Variants in RELN observed in about 807,000 individuals in gnomAD.
The protein encoded by RELN is reelin.
Under a neutral mutation model 427.6 loss-of-function variants are expected in RELN, and 108 were observed. That is an observed-to-expected ratio of 0.25 (90% CI 0.22 to 0.30). The LOEUF (loss-of-function observed/expected upper bound fraction) is 0.30. Among genes scored for constraint, RELN ranks in the 10% least tolerant of loss-of-function variants. The pLI is 1.00. For missense variants in RELN, 3,715 were observed against 4,302.8 expected, an observed-to-expected ratio of 0.86 and a Z score of 3.82; for synonymous variants, 1,524 against 1,513.4, an observed-to-expected ratio of 1.01 and a Z score of -0.16.
intron 22 of RELN, among the ~76,000 whole-genome samples, chr7:103,608,290 A>T (rs1831865994): frequency 6.6e-6 from 1 of 152,236 alleles, no homozygotes; most frequent in African/African-American, 2.4e-5. Context: ...TCCAAAAACA[A>T]TGACAATAAC....
At chr7:103,683,174 CAG>C (rs1232080494) in intron 10 of RELN, among the ~76,000 whole-genome samples, 3 of 151,842 alleles carry the variant, frequency 2.0e-5, no homozygotes. Context: ...TAAAATGAAA[CAG>C]AGATGAAAAA....
chr7:103,801,385 G>A (rs1399227257), intron 3 of RELN, among the ~76,000 whole-genome samples: 1 of 152,146 alleles, frequency 6.6e-6, no homozygotes, highest in Non-Finnish European at 1.5e-5. Context: ...TATACACCAT[G>A]GAATACTATG....
In RELN at chr7:103,515,460, G is replaced by A. The variant is rs755414271; in HGVS notation, c.7863-19C>T. The A allele has an allele frequency of 2.4e-5, 39 of 1,613,074 alleles. No individual in the cohort carries two copies. In the South Asian group the frequency reaches 3.2e-4, roughly 13 times the overall value. The stretch of plus-strand genomic sequence containing the variant: ...CACAAATCTATAGGAAAATGATGGG[G>A]AAGGGTGTGGGGAAGAACCCTTGTC... On this transcript the variant is annotated intron_variant, in intron 49 of 64. Transcript: ENST00000428762.
intron 1 of RELN, among the ~76,000 whole-genome samples, chr7:103,934,060 C>T (rs2116715930): frequency 6.6e-6 from 1 of 152,210 alleles, no homozygotes; most frequent in Non-Finnish European, 1.5e-5. Context: ...CCTATTTTTT[C>T]ATCCATACCA....
At chr7:103,788,157 C>T (rs1017342388) in intron 3 of RELN, among the ~76,000 whole-genome samples, 1 of 152,186 alleles carries the variant, frequency 6.6e-6, no homozygotes, top group African/African-American at 2.4e-5. Flanking sequence ...GCTAAAAACA[C>T]TCAATAAACT....
At chr7:103,669,258 G>A (rs542757517) in intron 11 of RELN, among the ~76,000 whole-genome samples, 220 of 152,246 alleles carry the variant, frequency 1.4e-3, no homozygotes, top group Non-Finnish European at 2.6e-3. Flanking sequence ...ACTTTGAAGA[G>A]AAAAAGGCAG....
At chr7:103,744,125 A>C (rs1483028477) in intron 6 of RELN, among the ~76,000 whole-genome samples, 4 of 152,190 alleles carry the variant, frequency 2.6e-5, no homozygotes, top group African/African-American at 9.7e-5. Context: ...AAAACCGCTC[A>C]ACTACATGGA....
chr7:103,605,577 AGGGACCTGTGGTTCTTTT>A (rs1382663791), intron 22 of RELN, among the ~76,000 whole-genome samples: 2 of 152,216 alleles, frequency 1.3e-5, no homozygotes, highest in South Asian at 2.1e-4. Context: ...AGGAATTTTC[AGGGACCTGTGGTTCTTTT>A]GGTCAAAGGG....
intron 38 of RELN, among the ~76,000 whole-genome samples, chr7:103,555,469 G>A (rs1432075455): frequency 1.3e-5 from 2 of 151,952 alleles, no homozygotes; most frequent in Admixed American, 6.6e-5. Flanking sequence ...AAATAATTAG[G>A]TGAGCACTCC....
At position 103,502,955 on chromosome 7, in the gene RELN, G is replaced by A. The variant is rs79477580; in HGVS notation, c.8489+61C>T. 9,473 of 1,343,368 alleles carry A rather than the reference G, an allele frequency of 7.1e-3. 58 individuals are homozygous for A. Among genetic ancestry groups the A allele is most frequent in the Non-Finnish European group, 8.5e-3 (7,978 of 936,742 alleles). The allele number at this position is 1,343,368 out of a possible 1,614,324, so 83.2% of individuals were successfully genotyped here. ...ACATAATTTCAGGCATGACAACAGT[G>A]TACCTAATGGTGTACCTTCTGGATG... On this transcript the variant is annotated intron_variant, in intron 52 of 64. Transcript: ENST00000428762.
At chr7:103,942,748 C>T (rs1330079592) in intron 1 of RELN, among the ~76,000 whole-genome samples, 1 of 152,034 alleles carries the variant, frequency 6.6e-6, no homozygotes, top group Non-Finnish European at 1.5e-5. Flanking sequence ...CCCATCTCTA[C>T]TAAAAATACA....
intron 2 of RELN, among the ~76,000 whole-genome samples, chr7:103,836,008 C>T (rs1289481150): frequency 6.7e-6 from 1 of 149,678 alleles, no homozygotes; most frequent in Non-Finnish European, 1.5e-5. Flanking sequence ...CAGGCTAGAG[C>T]GCAATGGTGC....
In RELN at chr7:103,496,267, C is replaced by T. The variant is rs144749231; in HGVS notation, c.9193+259G>A. Among the ~76,000 whole-genome samples the T allele has an allele frequency of 2.6e-3, 389 of 152,220 alleles. 3 individuals carry two copies. Among genetic ancestry groups the T allele is most frequent in the African/African-American group, 8.8e-3 (366 of 41,518 alleles). ...TTACTAAAGAAACTAAAATTATTTT[C>T]GGGTATTGAAATTTCAAATTATATT... On this transcript the variant is annotated intron_variant, in intron 56 of 64. Coordinates refer to ENST00000428762, the MANE Select transcript of RELN (RefSeq NM_005045.4).
chr7:103,636,121 T>G, intron 18 of RELN, 114 bp downstream of exon 18: 1 of 791,696 alleles, frequency 1.3e-6, no homozygotes, highest in Middle Eastern at 2.6e-4. Flanking sequence ...CCTCCAACCC[T>G]AGTTAAAAAT....
At chr7:103,690,159 ATTG>A (rs1203115019) in intron 10 of RELN, among the ~76,000 whole-genome samples, 1 of 152,058 alleles carries the variant, frequency 6.6e-6, no homozygotes, top group African/African-American at 2.4e-5. Flanking sequence ...ACTACTATTT[ATTG>A]TTATTATTTT....
At chr7:103,562,131 G>C (rs1367768447) in intron 34 of RELN, among the ~76,000 whole-genome samples, 178 bp from the exon 35 acceptor site, 7 of 151,996 alleles carry the variant, frequency 4.6e-5, no homozygotes, top group African/African-American at 1.7e-4. Context: ...GTTTTCTCTT[G>C]ACTCATAAAC....
chr7:103,760,257 A>G (rs79129574), intron 4 of RELN, among the ~76,000 whole-genome samples: 1,846 of 152,130 alleles, frequency 0.012, 50 homozygotes, highest in African/African-American at 0.042. Context: ...AAAAGTTAAA[A>G]AAAAAAGCTT....
chr7:103,662,721 A>G (rs1236103325), intron 11 of RELN, among the ~76,000 whole-genome samples: 1 of 152,144 alleles, frequency 6.6e-6, no homozygotes, highest in African/African-American at 2.4e-5. Context: ...AGAGTAAAAA[A>G]TACATTTGAA....
chr7:103,572,117 C>G, intron 31 of RELN, 67 bp downstream of exon 31: 1 of 919,504 alleles, frequency 1.1e-6, no homozygotes, highest in Non-Finnish European at 1.8e-6. Flanking sequence ...CCTGGCCAAA[C>G]TTTGGGAGGA....
Sources: allele counts gnomAD v4.1 joint callset (sites outside exome capture counted in the v4.1 genomes callset), GRCh38; gene constraint gnomAD v4.1.1; transcripts MANE v1.5; gene names NCBI Gene and HGNC (gene_info 2026-07-23, HGNC 2026-07-21).